The following KCNN3 variants were observed in gnomAD, a reference collection of about 807,000 sequenced individuals.
KCNN3 encodes the protein potassium calcium-activated channel subfamily N member 3, also known as small conductance calcium-activated potassium channel protein 3.
KCNN3 carries 16 observed loss-of-function variants against 62.9 expected under a neutral mutation model. The observed-to-expected ratio is 0.25, with a 90% confidence interval of 0.17 to 0.39. KCNN3 has a LOEUF of 0.39. KCNN3 is among the 10% of genes least tolerant of loss of function. KCNN3 has a pLI of 1.00. For synonymous variants in KCNN3, 370 were observed against 389.2 expected, an observed-to-expected ratio of 0.95 and a Z score of 0.58; for missense variants, 599 against 949.4, an observed-to-expected ratio of 0.63 and a Z score of 4.85.
chr1:154,854,932 A>T (rs1256829704), intron 1 of KCNN3, among the ~76,000 whole-genome samples: 1 of 152,156 alleles, frequency 6.6e-6, no homozygotes, highest in South Asian at 2.1e-4. Context: ...AAAGTGAAAA[A>T]TTTGGCCAAG....
chr1:154,762,969 C>T (rs1212810300), intron 3 of KCNN3, among the ~76,000 whole-genome samples: 1 of 152,076 alleles, frequency 6.6e-6, no homozygotes, highest in Admixed American at 6.5e-5. Context: ...GGGTTTATTT[C>T]AGTGTTTTCC....
intron 1 of KCNN3, among the ~76,000 whole-genome samples, chr1:154,851,873 C>G (rs1652312040): frequency 6.6e-6 from 1 of 152,210 alleles, no homozygotes; most frequent in South Asian, 2.1e-4. Context: ...TCCAAGCCCT[C>G]CTCTTGCTCC....
chr1:154,835,949 G>A (rs1465714770), intron 1 of KCNN3, among the ~76,000 whole-genome samples: 2 of 152,192 alleles, frequency 1.3e-5, no homozygotes, highest in African/African-American at 4.8e-5. Context: ...TGTATAGACT[G>A]ATGAGTGTGA....
In KCNN3 at chr1:154,868,927, T is replaced by C. The variant is rs912318435; in HGVS notation, c.933+105A>G. Reference sequence around the variant, plus strand: ...CTCTCTCTCTCTCTCTCTCTCTCTCTCTCTCTCTCAATCTCTCTCTCTCAC... The same window carrying C: ...CTCTCTCTCTCTCTCTCTCTCTCTCCCTCTCTCTCAATCTCTCTCTCTCAC... On this transcript the variant is annotated intron_variant, in intron 1 of 7. Coordinates refer to ENST00000271915, the MANE Select transcript of KCNN3 (RefSeq NM_002249.6). 1.1e-5 allele frequency: 12 copies of C among 1,093,666 alleles called. No individual in the cohort carries two copies. The African/African-American group carries it at 1.1e-4, about 10-fold the overall frequency. The allele number at this position is 1,093,666 out of a possible 1,614,324, so 67.7% of individuals were successfully genotyped here. A position where few individuals can be genotyped will look rare whatever the true frequency, so the allele number is the denominator to read the frequency against.
chr1:154,869,723 G>GGCTGCTGCTGCGGCT lies in KCNN3; in HGVS notation c.241_242insAGCCGCAGCAGCAGC (p.Gln80_Pro81insGlnProGlnGlnGln), dbSNP rs1653099008. ...GGCGAGCTGAGACAGGGGATGCGGTGGCTGCTGCTGCTGCTGCTGCTGCTG... is the reference window on the plus strand; with the variant it reads ...GGCGAGCTGAGACAGGGGATGCGGTGGCTGCTGCTGCGGCTGCTGCTGCTGCTGCTGCTGCTGCTG... On this transcript the variant is annotated inframe_insertion, in exon 1 of 8. Transcript: ENST00000271915. This position sits in a 1 kb window ranked among gnomAD's most constrained non-coding sequence, Gnocchi z 6.1. 6 of 1,506,422 alleles carry GGCTGCTGCTGCGGCT rather than the reference G, an allele frequency of 4.0e-6. No individual in the cohort carries two copies. Among genetic ancestry groups the GGCTGCTGCTGCGGCT allele is most frequent in the Non-Finnish European group, 5.4e-6 (6 of 1,117,050 alleles). 93.3% of individuals were successfully genotyped at this position (1,506,422 alleles called of 1,614,324 possible).
intron 3 of KCNN3, among the ~76,000 whole-genome samples, chr1:154,753,210 A>C (rs1402215237): frequency 6.6e-6 from 1 of 152,180 alleles, no homozygotes; most frequent in African/African-American, 2.4e-5. Context: ...ATAGATGTTT[A>C]CTTTATTAAG....
rs1215555221 is a variant in KCNN3 at position 154,714,605 on chromosome 1, GGTGTGTGGTGTGT to G, written c.1829+258_1829+270del. Among the ~76,000 whole-genome samples the G allele has an allele frequency of 1.9e-4, 5 of 26,102 alleles. 1 individual carries two copies. Among genetic ancestry groups the G allele is most frequent in the Admixed American group, 4.6e-4 (1 of 2,184 alleles). 17.1% of individuals were successfully genotyped at this position (26,102 alleles called of 152,430 possible). A position where few individuals can be genotyped will look rare whatever the true frequency, so the allele number is the denominator to read the frequency against. ...GGTGTGTATGGTGTGTGTGATGTGT[GGTGTGTGGTGTGT>G]GTGTGTGTGTGTGTGTGTGTGTGTG... On this transcript the variant is annotated intron_variant, in intron 6 of 7. Coordinates refer to ENST00000271915, the MANE Select transcript of KCNN3 (RefSeq NM_002249.6).
At chr1:154,859,399 G>T (rs145229612) in intron 1 of KCNN3, among the ~76,000 whole-genome samples, 1 of 152,202 alleles carries the variant, frequency 6.6e-6, no homozygotes, top group South Asian at 2.1e-4. Context: ...AGCCAGGCTG[G>T]CCACTTGACC....
intron 5 of KCNN3, among the ~76,000 whole-genome samples, chr1:154,721,506 C>T (rs1274149170): frequency 6.6e-6 from 1 of 151,852 alleles, no homozygotes; most frequent in African/African-American, 2.4e-5. Context: ...TCACCATGTT[C>T]GCCAGGCTAG....
intron 1 of KCNN3, among the ~76,000 whole-genome samples, chr1:154,865,045 C>A (rs1166806091): frequency 6.6e-6 from 1 of 152,130 alleles, no homozygotes; most frequent in African/African-American, 2.4e-5. Flanking sequence ...CAGCCACCAA[C>A]ATGATGGCAG....
intron 2 of KCNN3, among the ~76,000 whole-genome samples, chr1:154,791,168 G>A (rs575109197): frequency 1.3e-5 from 2 of 148,326 alleles, no homozygotes; most frequent in African/African-American, 5.0e-5. Context: ...GGCAGAGGTT[G>A]CAGCGAGTCA....
chr1:154,845,663 C>T (rs1165952696), intron 1 of KCNN3, among the ~76,000 whole-genome samples: 2 of 152,044 alleles, frequency 1.3e-5, no homozygotes, highest in Non-Finnish European at 2.9e-5. Flanking sequence ...AGGGAAGGGG[C>T]CACATGACCA....
intron 2 of KCNN3, among the ~76,000 whole-genome samples, chr1:154,816,827 CCTT>C (rs1311364191): frequency 1.1e-4 from 17 of 152,320 alleles, no homozygotes; most frequent in African/African-American, 3.9e-4. Flanking sequence ...CAGCTTGAAA[CCTT>C]CTCATAGTTT....
At chr1:154,820,759 G>A (rs1650857724) in intron 2 of KCNN3, among the ~76,000 whole-genome samples, 1 of 152,266 alleles carries the variant, frequency 6.6e-6, no homozygotes, top group African/African-American at 2.4e-5. Flanking sequence ...CCCTGTCCAA[G>A]CATCTGCAAC....
chr1:154,831,516 C>T (rs1651377223), intron 1 of KCNN3, among the ~76,000 whole-genome samples: 1 of 152,202 alleles, frequency 6.6e-6, no homozygotes, highest in African/African-American at 2.4e-5. Flanking sequence ...ATGAGAATTG[C>T]TGTTCTGGGG....
chr1:154,724,811 T>C (rs182435524), intron 5 of KCNN3, among the ~76,000 whole-genome samples: 1 of 152,326 alleles, frequency 6.6e-6, no homozygotes, highest in African/African-American at 2.4e-5. Context: ...GATGATGATG[T>C]TTTGATGAAC....
intron 2 of KCNN3, among the ~76,000 whole-genome samples, chr1:154,789,420 C>T (rs576119902): frequency 4.0e-5 from 6 of 151,270 alleles, no homozygotes; most frequent in Non-Finnish European, 5.9e-5. Flanking sequence ...GGGTGGTGGT[C>T]GGTGGGGCAG....
chr1:154,714,105 TGTGTGATGTG>T (rs1165816127), intron 6 of KCNN3, among the ~76,000 whole-genome samples: 12 of 108,680 alleles, frequency 1.1e-4, no homozygotes, highest in Non-Finnish European at 2.1e-4. Flanking sequence ...GTGTATGGTG[TGTGTGATGTG>T]GTGTGTGTGG....
intron 2 of KCNN3, among the ~76,000 whole-genome samples, chr1:154,791,350 A>C (rs766072184): frequency 6.6e-6 from 1 of 151,086 alleles, no homozygotes. Context: ...CAAAGACCAC[A>C]TCAGGTACAT....
Sources: gnomAD v4.1 joint callset for allele counts (sites outside exome capture counted in the v4.1 genomes callset) on GRCh38, gnomAD v4.1.1 for gene constraint, Gnocchi (gnomAD v3.1) non-coding constraint, MANE v1.5 for transcripts, NCBI Gene and HGNC (gene_info 2026-07-23, HGNC 2026-07-21) for gene names.